TRIO: variants seen among roughly 807,000 people sequenced by gnomAD.
TRIO encodes triple functional domain protein.
A neutral mutation model predicts 351.9 loss-of-function variants in TRIO; 58 were observed. The observed-to-expected ratio is 0.16, with a 90% CI of 0.13 to 0.21. TRIO has a LOEUF of 0.21. Ranked by LOEUF, TRIO falls within the 10% of genes least tolerant of loss-of-function variation. The pLI is 1.00. For synonymous variants in TRIO, 1,758 were observed against 1,595.7 expected, an observed-to-expected ratio of 1.10 and a Z score of -2.42; for missense variants, 3,201 against 4,027.8, an observed-to-expected ratio of 0.79 and a Z score of 5.56.
chr5:14,415,919 C>T (rs1171711101), intron 33 of TRIO, among the ~76,000 whole-genome samples: 1 of 151,748 alleles, frequency 6.6e-6, no homozygotes, highest in Non-Finnish European at 1.5e-5. Context: ...AAAAATCTGT[C>T]TTCTGATATG....
intron 11 of TRIO, among the ~76,000 whole-genome samples, chr5:14,355,770 A>G (rs1383896652): frequency 2.0e-5 from 3 of 152,226 alleles, no homozygotes; most frequent in African/African-American, 4.8e-5. Context: ...GCCTTTATAG[A>G]TGGTGCAGAG....
intron 1 of TRIO, among the ~76,000 whole-genome samples, chr5:14,258,435 T>C (rs1162518836): frequency 6.6e-6 from 1 of 152,176 alleles, no homozygotes; most frequent in Non-Finnish European, 1.5e-5. Context: ...TTTATTACTA[T>C]ACTAAGTTTA....
intron 7 of TRIO, among the ~76,000 whole-genome samples, chr5:14,299,765 C>A (rs1737694633): frequency 6.6e-6 from 1 of 152,122 alleles, no homozygotes; most frequent in Non-Finnish European, 1.5e-5. Context: ...GAATCACATC[C>A]AGAGTGTTCA....
chr5:14,343,464 A>G (rs1329519695), intron 11 of TRIO, among the ~76,000 whole-genome samples: 2 of 152,028 alleles, frequency 1.3e-5, no homozygotes, highest in African/African-American at 4.8e-5. Context: ...CTCTGCTTCT[A>G]TTATTTTGTT....
At chr5:14,146,845 G>A (rs927871045) in intron 1 of TRIO, among the ~76,000 whole-genome samples, 1 of 152,172 alleles carries the variant, frequency 6.6e-6, no homozygotes, top group African/African-American at 2.4e-5. Flanking sequence ...CCTCTGCTGA[G>A]CGTCCACCCA....
chr5:14,333,145 C>T (rs557450574), intron 10 of TRIO, among the ~76,000 whole-genome samples: 8 of 152,288 alleles, frequency 5.3e-5, no homozygotes, highest in South Asian at 2.1e-4. Flanking sequence ...TTGTATCACC[C>T]GCGGGCCACT....
intron 28 of TRIO, among the ~76,000 whole-genome samples, chr5:14,396,552 C>T (rs1403678074): frequency 7.4e-6 from 1 of 135,848 alleles, no homozygotes; most frequent in African/African-American, 2.8e-5. Context: ...TCACTGCAGC[C>T]TCCACCTCCC....
intron 37 of TRIO, among the ~76,000 whole-genome samples, chr5:14,470,353 T>C (rs757940639): frequency 6.6e-6 from 1 of 152,238 alleles, no homozygotes; most frequent in East Asian, 1.9e-4. Flanking sequence ...GTATTGTTTT[T>C]GCATTTTGTA....
Position 14,292,720 on chromosome 5 carries a change from A to G in TRIO, c.1054-292A>G, listed in dbSNP as rs139635087. 1.2e-3 allele frequency among the ~76,000 whole-genome samples: 178 copies of G among 152,322 alleles called. 3 individuals are homozygous for G. The East Asian group carries it at 0.026, about 23-fold the overall frequency. The stretch of plus-strand genomic sequence containing the variant: ...GCAGGGAGACTGGGCTGAGAGTCAG[A>G]GGATCAGAGTTTTTAATCAGCCTGG... On this transcript the variant is annotated intron_variant, in intron 5 of 56. Coordinates refer to ENST00000344204, the MANE Select transcript of TRIO (RefSeq NM_007118.4).
Position 14,461,090 on chromosome 5 carries a change from G to C in TRIO, c.5275G>C (p.Gly1759Arg), listed in dbSNP as rs769756833. 4 of 1,572,338 alleles carry C rather than the reference G, an allele frequency of 2.5e-6. No individual in the cohort carries two copies. The highest frequency in any genetic ancestry group is 1.4e-5 in the African/African-American group (1 of 73,616). The stretch of plus-strand genomic sequence containing the variant: ...GGCTTCCCTCCAGCCCCACATGATC[G>C]GGGCCCAGAGCTCGCCGGGCCCCAA... ...SVASLQPHMI[G>R]AQSSPGPKRP... Residue 1759 changes from glycine to arginine, a missense_variant, in exon 35 of 57, where the codon GGG (glycine) becomes CGG (arginine). This residue lies in a region of TRIO where 193 missense variants were observed against 218.8 expected (regional missense o/e 0.88). Coordinates refer to ENST00000344204, the MANE Select transcript of TRIO (RefSeq NM_007118.4).
chr5:14,409,185 G>A (rs1748973046), intron 33 of TRIO, among the ~76,000 whole-genome samples: 1 of 152,170 alleles, frequency 6.6e-6, no homozygotes, highest in Non-Finnish European at 1.5e-5. Flanking sequence ...AAGGCGCGTG[G>A]CTGATTGGGA....
intron 14 of TRIO, 85 bp from the exon 15 acceptor site, chr5:14,364,565 A>G (rs559429642): frequency 1.3e-6 from 2 of 1,502,350 alleles, no homozygotes; most frequent in Admixed American, 2.1e-5. Context: ...ATCATTCACA[A>G]AAGCAGATTT....
intron 33 of TRIO, among the ~76,000 whole-genome samples, chr5:14,414,602 C>T (rs888632155): frequency 1.1e-4 from 17 of 151,940 alleles, no homozygotes; most frequent in African/African-American, 2.9e-4. Context: ...TTTTTCTCAC[C>T]GATTTTTTTT....
At position 14,405,967 on chromosome 5, in the gene TRIO, C is replaced by G; in HGVS notation, c.4836C>G (p.Pro1612=). The G allele has an allele frequency of 6.2e-7, 1 of 1,613,540 alleles. No homozygotes were observed. The highest frequency in any genetic ancestry group is 8.5e-7 in the Non-Finnish European group (1 of 1,179,902). ...CCATTCACATCCCTAAGACCGCTCC[C>G]GCCACAAGACAGAAGGGAAGGAGGT... The part of the protein sequence containing the change: ...KEPIHIPKTA[P]ATRQKGRRDG... The change falls in exon 32 of 57, where the codon CCC becomes CCG. Residue 1612 remains proline (P), a synonymous_variant. Transcript: ENST00000344204.
intron 34 of TRIO, among the ~76,000 whole-genome samples, chr5:14,425,118 G>T (rs1750532029): frequency 6.6e-6 from 1 of 152,162 alleles, no homozygotes; most frequent in South Asian, 2.1e-4. Flanking sequence ...CAGATCAGTG[G>T]CATTAAGTAC....
intron 1 of TRIO, among the ~76,000 whole-genome samples, chr5:14,149,600 A>C (rs1176013200): frequency 6.6e-6 from 1 of 152,148 alleles, no homozygotes; most frequent in African/African-American, 2.4e-5. Flanking sequence ...TTGACCTCTG[A>C]GATTTCTCCC....
chr5:14,288,038 CTT>C (rs1482287726), intron 4 of TRIO, among the ~76,000 whole-genome samples: 1 of 152,082 alleles, frequency 6.6e-6, no homozygotes, highest in Admixed American at 6.5e-5. Context: ...AAAATATGAA[CTT>C]AGTTTTAAAT....
chr5:14,285,213 A>G (rs1736337124), intron 3 of TRIO, among the ~76,000 whole-genome samples: 1 of 152,146 alleles, frequency 6.6e-6, no homozygotes, highest in Non-Finnish European at 1.5e-5. Context: ...AATCATTTCA[A>G]TTTACATCCC....
intron 33 of TRIO, 141 bp downstream of exon 33, chr5:14,406,813 CG>C: frequency 1.3e-6 from 1 of 764,466 alleles, no homozygotes; most frequent in South Asian, 1.7e-5. Flanking sequence ...GCCAGGATCC[CG>C]TGGTGGGGCA....
Sources: gnomAD v4.1 joint callset for allele counts (sites outside exome capture counted in the v4.1 genomes callset) on GRCh38, gnomAD v4.1.1 for gene constraint, gnomAD v4.1.1 regional missense constraint, MANE v1.5 for transcripts, NCBI Gene and HGNC (gene_info 2026-07-23, HGNC 2026-07-21) for gene names.